Variants in KLK10 observed in about 807,000 individuals in gnomAD.
KLK10 encodes the protein kallikrein-10.
In KLK10, 27 loss-of-function variants were observed where a neutral mutation model predicts 25.7. The observed-to-expected ratio is 1.05, with a 90% CI of 0.77 to 1.45. The LOEUF (loss-of-function observed/expected upper bound fraction) is 1.45, where lower values mean the gene tolerates loss of function less well. KLK10 is among the 40% of genes most tolerant of loss of function. The pLI, the probability that KLK10 is intolerant of heterozygous loss-of-function variation, is 0.00. For synonymous variants in KLK10, 173 were observed against 160.1 expected, an observed-to-expected ratio of 1.08 and a Z score of -0.61; for missense variants, 386 against 370.0, an observed-to-expected ratio of 1.04 and a Z score of -0.35.
At position 51,015,432 on chromosome 19, in the gene KLK10, G is replaced by A. The variant is rs139021297; in HGVS notation, c.663C>T (p.Gly221=). ...CAGACCCTACCTGGCAAGGGTCCTG[G>A]CCCCGGTCCAGTCCAGCACATATCA... ...NNMICAGLDR[G]QDPCQSDSGG... is the part of the protein sequence containing the mutation. Residue 221 remains glycine, a synonymous_variant, in exon 5 of 6, where the codon GGC becomes GGT. Coordinates refer to ENST00000358789, the MANE Select transcript of KLK10 (RefSeq NM_145888.3). 1.1e-4 allele frequency: 175 copies of A among 1,613,568 alleles called. No homozygotes were observed. The highest frequency in any genetic ancestry group is 1.4e-4 in the Non-Finnish European group (167 of 1,179,792).
rs759718220 is a variant in KLK10, at chr19:51,014,877, A to G, written c.754T>C (p.Ser252Pro). Residue 252 changes from serine (S) to proline (P), a missense_variant, in exon 6 of 6, where the codon TCT becomes CCT. By Grantham distance (74) the Ser-to-Pro change is moderately conservative. Coordinates refer to ENST00000358789, the MANE Select transcript of KLK10 (RefSeq NM_145888.3). The stretch of plus-strand genomic sequence containing the variant: ...GTGTAGACAGCTGGATGCTGGGCAG[A>G]GCCACAGGGGTAAACACCCCACGAG... ...ILSWGVYPCGSAQHPAVYTQI... is the reference protein window; with the variant it reads ...ILSWGVYPCGPAQHPAVYTQI... The G allele has an allele frequency of 3.7e-6, 6 of 1,613,962 alleles. No homozygotes were observed. In the Admixed American group the frequency reaches 8.3e-5, roughly 22 times the overall value.
chr19:51,014,824 G>A lies in KLK10; in HGVS notation c.807C>T (p.Ile269=). The A allele has an allele frequency of 6.2e-7, 1 of 1,614,108 alleles. No homozygotes were observed. Among genetic ancestry groups the A allele is most frequent in the South Asian group, 1.1e-5 (1 of 91,064 alleles). ...ATCAGTTGGAGCGTATGACTTTATT[G>A]ATCCAGGACATGTATTTGCAGATCT... ...YTQICKYMSW[I]NKVIRSN is the part of the protein sequence containing the mutation. Residue 269 remains isoleucine (I), a synonymous_variant, in exon 6 of 6, where the codon ATC becomes ATT. Transcript: ENST00000358789.
At chr19:51,017,666 T>G (rs1277395582) in intron 2 of KLK10, among the ~76,000 whole-genome samples, 59 of 139,800 alleles carry the variant, frequency 4.2e-4, no homozygotes, top group African/African-American at 8.7e-4. Flanking sequence ...GAGGAAGGGG[T>G]GTGAATAACA....
At position 51,014,062 on chromosome 19, in the gene KLK10, C is replaced by CATGCCAAGGCA. The variant is rs1555786233; in HGVS notation, c.*737_*738insTGCCTTGGCAT. On this transcript the variant is annotated 3_prime_UTR_variant, in exon 6 of 6. Transcript: ENST00000358789. ...CTAATGACTCAGGGCCAGCCTAGCT[C>CATGCCAAGGCA]GGAGGAACTGGTGTTGGGTGGAACC... 1.3e-5 allele frequency: 2 copies of CATGCCAAGGCA among 151,842 alleles called. No individual in the cohort carries two copies. Among genetic ancestry groups the CATGCCAAGGCA allele is most frequent in the East Asian group, 1.9e-4 (1 of 5,160 alleles). The allele number at this position is 151,842 out of a possible 1,614,324, so 9.4% of individuals were successfully genotyped here.
In KLK10 at chr19:51,014,030, G is replaced by A. The variant is rs2691258; in HGVS notation, c.*770C>T. On this transcript the variant is annotated 3_prime_UTR_variant, in exon 6 of 6. Coordinates refer to ENST00000358789, the MANE Select transcript of KLK10 (RefSeq NM_145888.3). ...AGTTCAGTGGCCTCATGAAGGCAGA[G>A]AAGGTGCTAATGACTCAGGGCCAGC... 93,923 of 152,028 alleles carry A rather than the reference G, an allele frequency of 0.62. 29,792 individuals carry two copies. The highest frequency in any genetic ancestry group is 0.76 in the African/African-American group (31,469 of 41,424). 9.4% of individuals were successfully genotyped at this position (152,028 alleles called of 1,614,324 possible). A position where few individuals can be genotyped will look rare whatever the true frequency, so the allele number is the denominator to read the frequency against.
Position 51,014,900 on chromosome 19 carries a change from G to T in KLK10, c.731C>A (p.Ser244Ter). ...VCDETLQGILSWGVYPCGSAQ... is the reference protein window; with the variant it reads ...VCDETLQGIL ...AGAGCCACAGGGGTAAACACCCCAC[G>T]AGAGGATGCCTTGGAGGGTCTCGTC... The change falls in exon 6 of 6, where the codon TCG becomes TAG. Residue 244 changes from serine (S) to a stop codon, truncating the protein, a stop_gained. Transcript: ENST00000358789. LOFTEE classifies it low-confidence loss of function (END_TRUNC). The T allele has an allele frequency of 6.2e-7, 1 of 1,613,994 alleles. No individual in the cohort carries two copies. Among genetic ancestry groups the T allele is most frequent in the East Asian group, 2.2e-5 (1 of 44,880 alleles).
At chr19:51,018,164 CAAAAAAAAAAA>C (rs35154267) in intron 2 of KLK10, among the ~76,000 whole-genome samples, 2 of 36,446 alleles carry the variant, frequency 5.5e-5, no homozygotes, top group African/African-American at 2.8e-4. Flanking sequence ...TGCCCTGTCT[CAAAAAAAAAAA>C]AAAAAAAAAA....
chr19:51,018,805 G>C lies in KLK10; in HGVS notation c.88+238C>G. On this transcript the variant is annotated intron_variant, in intron 2 of 5. Transcript: ENST00000358789. ...AGAAAGAACGCGGCGAAGAGTCCAC[G>C]GAAGAGCGAGGATCCGGGTGGCAGA... The C allele has an allele frequency of 5.2e-6, 3 of 579,186 alleles. No individual in the cohort carries two copies. In the South Asian group the frequency reaches 6.0e-5, roughly 12 times the overall value. The allele number at this position is 579,186 out of a possible 1,614,324, so 35.9% of individuals were successfully genotyped here.
At chr19:51,017,463 A>C in intron 2 of KLK10, 173 bp from the exon 3 acceptor site, 1 of 621,916 alleles carries the variant, frequency 1.6e-6, no homozygotes. Flanking sequence ...GGAGGAGAAG[A>C]AGCGCGTGAA....
chr19:51,014,640 G>T lies in KLK10; in HGVS notation c.*160C>A. 1 of 620,704 alleles carries T rather than the reference G, an allele frequency of 1.6e-6. No homozygotes were observed. The highest frequency in any genetic ancestry group is 2.8e-6 in the Non-Finnish European group (1 of 354,964). 38.4% of individuals were successfully genotyped at this position (620,704 alleles called of 1,614,324 possible). A position where few individuals can be genotyped will look rare whatever the true frequency, so the allele number is the denominator to read the frequency against. On this transcript the variant is annotated 3_prime_UTR_variant, in exon 6 of 6. Transcript: ENST00000358789. Reference sequence around the variant, plus strand: ...GGATAGGTGGGGGAATGAGGTGAGAGGGGAGATGTTTAGAGGTGTGGAGGG... The same window carrying T: ...GGATAGGTGGGGGAATGAGGTGAGATGGGAGATGTTTAGAGGTGTGGAGGG...
At chr19:51,015,703 G>C in intron 4 of KLK10, 153 bp from the exon 5 acceptor site, 1 of 1,079,744 alleles carries the variant, frequency 9.3e-7, no homozygotes. Context: ...CTTAGACCCA[G>C]GAGTCCAGGC....
chr19:51,013,777 C>T lies in KLK10; in HGVS notation c.*1023G>A, dbSNP rs763790367. The T allele has an allele frequency of 3.3e-5, 5 of 153,760 alleles. No homozygotes were observed. Among genetic ancestry groups the T allele is most frequent in the African/African-American group, 4.8e-5 (2 of 41,446 alleles). 9.5% of individuals were successfully genotyped at this position (153,760 alleles called of 1,614,324 possible). On this transcript the variant is annotated 3_prime_UTR_variant, in exon 6 of 6. Coordinates refer to ENST00000358789, the MANE Select transcript of KLK10 (RefSeq NM_145888.3). Reference sequence around the variant, plus strand: ...TGGATTCTGTGTATTAACTCCCCTTCCCTCCCCCAATTTCAGGGAGAATCA... The same window carrying T: ...TGGATTCTGTGTATTAACTCCCCTTTCCTCCCCCAATTTCAGGGAGAATCA...
At chr19:51,015,632 T>C (rs1224484527) in intron 4 of KLK10, 82 bp from the exon 5 acceptor site, 1 of 1,482,874 alleles carries the variant, frequency 6.7e-7, no homozygotes, top group African/African-American at 1.4e-5. Flanking sequence ...AGACCGTTTC[T>C]ATCCTAAGCC....
At chr19:51,017,854 AAGT>A (rs976619178) in intron 2 of KLK10, among the ~76,000 whole-genome samples, 2 of 148,034 alleles carry the variant, frequency 1.4e-5, no homozygotes, top group Non-Finnish European at 3.0e-5. Context: ...AACAACAAAA[AAGT>A]AGTCGCGGAG....
rs1401349371 is a variant in KLK10, at chr19:51,014,959, G to A, written c.679-7C>T. 1 of 1,612,152 alleles carries A rather than the reference G, an allele frequency of 6.2e-7. No individual in the cohort carries two copies. On this transcript the variant is annotated splice_region_variant and splice_polypyrimidine_tract_variant and intron_variant, in intron 5 of 5. Coordinates refer to ENST00000358789, the MANE Select transcript of KLK10 (RefSeq NM_145888.3). ...GGGGGCCTCCAGAGTCACTCTGGGG[G>A]TGGCAGGAAGGAGAGATCAAATAAA...
intron 2 of KLK10, among the ~76,000 whole-genome samples, chr19:51,018,145 A>G (rs1198725972): frequency 8.2e-6 from 1 of 121,660 alleles, no homozygotes; most frequent in Non-Finnish European, 1.6e-5. Context: ...AGCCACGGAG[A>G]CAGAGCACTG....
chr19:51,014,947 G>T lies in KLK10; in HGVS notation c.684C>A (p.Asp228Glu). The T allele has an allele frequency of 6.2e-7, 1 of 1,613,444 alleles. No homozygotes were observed. Among genetic ancestry groups the T allele is most frequent in the Non-Finnish European group, 8.5e-7 (1 of 1,179,848 alleles). The part of the protein sequence containing the change: ...LDRGQDPCQS[D>E]SGGPLVCDET... ...CGTCACAGACCAGGGGGCCTCCAGA[G>T]TCACTCTGGGGGTGGCAGGAAGGAG... The change falls in exon 6 of 6, where the codon GAC becomes GAA. Residue 228 changes from aspartate to glutamate, a missense_variant. Physicochemically the swap from Asp to Glu is conservative, Grantham distance 45 (BLOSUM62 2). Transcript: ENST00000358789.
At chr19:51,014,994 G>A (rs1469731030) in intron 5 of KLK10, 42 bp from the exon 6 acceptor site, 12 of 1,581,558 alleles carry the variant, frequency 7.6e-6, no homozygotes, top group South Asian at 1.1e-5. Context: ...ATGTGCCAAC[G>A]TGAGAGCTGT....
At chr19:51,016,966 G>A (rs2569452) in intron 3 of KLK10, 144 bp downstream of exon 3, 3 of 841,152 alleles carry the variant, frequency 3.6e-6, no homozygotes, top group African/African-American at 3.5e-5. Context: ...CACAGCGCAA[G>A]CCCGGTCTCT....
Sources: gnomAD v4.1 joint callset for allele counts (sites outside exome capture counted in the v4.1 genomes callset) on GRCh38, gnomAD v4.1.1 for gene constraint, MANE v1.5 for transcripts, NCBI Gene and HGNC (gene_info 2026-07-23, HGNC 2026-07-21) for gene names.